Variants in ZAN observed in about 807,000 individuals in gnomAD.
ZAN encodes the protein zonadhesin, also known as zonadhesin (gene/pseudogene).
Under a neutral mutation model 286.2 loss-of-function variants are expected in ZAN, and 260 were observed. The observed-to-expected ratio is 0.91, with a 90% CI of 0.82 to 1.01. The LOEUF (loss-of-function observed/expected upper bound fraction) is 1.01, where lower values mean the gene tolerates loss of function less well. Among genes scored for constraint, ZAN ranks in the 50% least tolerant of loss-of-function variants. The probability of loss-of-function intolerance (pLI) is 0.00; values close to 1 mark genes in which losing one functional copy is unlikely to be tolerated. For missense variants in ZAN, 3,410 were observed against 3,639.2 expected, an observed-to-expected ratio of 0.94 and a Z score of 1.62; for synonymous variants, 1,368 against 1,417.5, an observed-to-expected ratio of 0.97 and a Z score of 0.79.
Position 100,738,582 on chromosome 7 carries a change from G to A in ZAN, c.735G>A (p.Val245=). 3 of 1,517,798 alleles carry A rather than the reference G, an allele frequency of 2.0e-6. No individual in the cohort carries two copies. The highest frequency in any genetic ancestry group is 1.1e-5 in the South Asian group (1 of 88,082). 94.0% of individuals were successfully genotyped at this position (1,517,798 alleles called of 1,614,324 possible). A position where few individuals can be genotyped will look rare whatever the true frequency, so the allele number is the denominator to read the frequency against. ...QKKGSSGKPG[V]GPDGDFSSPG... ...AAGGGTCATCAGGAAAGCCAGGCGT[G>A]GGGCCTGATGGCGACTTCTCTAGCC... The change falls in exon 7 of 48, where the codon GTG becomes GTA. Residue 245 remains valine (V), a synonymous_variant. Transcript: ENST00000613979.
intron 42 of ZAN, among the ~76,000 whole-genome samples, chr7:100,793,341 TA>T (rs926192384): frequency 3.6e-4 from 54 of 151,260 alleles, no homozygotes; most frequent in African/African-American, 1.2e-3. Context: ...ACTCCATCTC[TA>T]AAAAAAATTT....
intron 42 of ZAN, among the ~76,000 whole-genome samples, chr7:100,792,699 G>T (rs1034256475): frequency 6.6e-6 from 1 of 152,000 alleles, no homozygotes; most frequent in African/African-American, 2.4e-5. Context: ...CAGCACAACC[G>T]GCAGCCTGGC....
In ZAN at chr7:100,794,206, C is replaced by T; in HGVS notation, c.8073C>T (p.Cys2691=). The T allele has an allele frequency of 6.2e-7, 1 of 1,613,796 alleles. No individual in the cohort carries two copies. Among genetic ancestry groups the T allele is most frequent in the East Asian group, 2.2e-5 (1 of 44,888 alleles). The change falls in exon 44 of 48, where the codon TGC becomes TGT. Residue 2691 remains cysteine, a synonymous_variant. Transcript: ENST00000613979. ...SRILLCEPFS[C]RAGEVCTLGN... is the part of the protein sequence containing the mutation. ...TCCTGCTGTGTGAGCCCTTCAGCTG[C>T]AGAGCGGGGGAGGTCTGCACCCTGG...
intron 22 of ZAN, among the ~76,000 whole-genome samples, 154 bp from the exon 23 acceptor site, chr7:100,765,198 C>T (rs1030741855): frequency 6.6e-6 from 1 of 152,160 alleles, no homozygotes; most frequent in Non-Finnish European, 1.5e-5. Context: ...GGGAGCCAGC[C>T]AGGCTCCTTG....
intron 40 of ZAN, among the ~76,000 whole-genome samples, chr7:100,791,366 TTCC>T (rs963221477): frequency 7.2e-5 from 11 of 151,908 alleles, no homozygotes; most frequent in Non-Finnish European, 1.2e-4. Context: ...TCTTCCTTCT[TTCC>T]TCCTCCTCCT....
chr7:100,738,892 TCTCC>T (rs1807520137), intron 7 of ZAN, among the ~76,000 whole-genome samples: 1 of 2,668 alleles, frequency 3.7e-4, no homozygotes, highest in Non-Finnish European at 1.0e-3. Context: ...TCCCTCTCCC[TCTCC>T]CTCTCCCTCT....
chr7:100,784,077 G>A (rs888019587), intron 35 of ZAN, among the ~76,000 whole-genome samples: 14 of 149,102 alleles, frequency 9.4e-5, no homozygotes, highest in Middle Eastern at 3.3e-3. Context: ...TCCTGCTGCC[G>A]TTGCTGTTTG....
intron 17 of ZAN, among the ~76,000 whole-genome samples, chr7:100,759,446 A>G (rs1809382489): frequency 6.6e-6 from 1 of 152,174 alleles, no homozygotes; most frequent in Admixed American, 6.6e-5. Flanking sequence ...GTTAAAAACA[A>G]AAAAGCAAAG....
At chr7:100,770,995 C>T (rs1810334534) in intron 28 of ZAN, among the ~76,000 whole-genome samples, 1 of 152,118 alleles carries the variant, frequency 6.6e-6, no homozygotes, top group Non-Finnish European at 1.5e-5. Flanking sequence ...GTAGAGACAA[C>T]ATTTCACCAT....
At chr7:100,784,954 G>C (rs1811465303) in intron 36 of ZAN, 120 bp downstream of exon 36, 1 of 1,187,810 alleles carries the variant, frequency 8.4e-7, no homozygotes, top group African/African-American at 1.5e-5. Flanking sequence ...GGGGTGTGAA[G>C]GCTGGTGTGA....
rs185660815 is a variant in ZAN at position 100,793,930 on chromosome 7, T to C, written c.7898T>C (p.Leu2633Pro). 302 of 1,613,940 alleles carry C rather than the reference T, an allele frequency of 1.9e-4. 1 individual carries two copies. In the African/African-American group the frequency reaches 3.1e-3, roughly 16 times the overall value. The change falls in exon 43 of 48, where the codon CTG becomes CCG. Residue 2633 changes from leucine (L) to proline (P), a missense_variant. This residue lies in a region of ZAN where 1,289 missense variants were observed against 1,314.3 expected (regional missense o/e 0.98). Coordinates refer to ENST00000613979, the MANE Select transcript of ZAN (RefSeq NM_003386.3). The stretch of plus-strand genomic sequence containing the variant: ...CTGCGAGGGCCCCTGCGTGGAAGGC[T>C]GCGCCAGCATCCCAGGCTATGCCTA... ...RGLRGPLRGRLRQHPRLCLQW... is the reference protein window; with the variant it reads ...RGLRGPLRGRPRQHPRLCLQW...
At chr7:100,745,568 T>C (rs1187890270) in intron 7 of ZAN, among the ~76,000 whole-genome samples, 3 of 148,942 alleles carry the variant, frequency 2.0e-5, no homozygotes, top group African/African-American at 7.5e-5. Flanking sequence ...TTTGCGTGAA[T>C]AGGTTATGTC....
Position 100,776,559 on chromosome 7 carries a change from C to T in ZAN, c.6312C>T (p.Asp2104=). ...FVNSWKDKDI[D]PSCQSLLVDE... Reference sequence around the variant, plus strand: ...ACAGTTGGAAAGATAAGGACATTGACCCAAGGTAGTGGTCCCCTAAGACCC... The same window carrying T: ...ACAGTTGGAAAGATAAGGACATTGATCCAAGGTAGTGGTCCCCTAAGACCC... Residue 2104 remains aspartate, a synonymous_variant, in exon 34 of 48, where the codon GAC becomes GAT. Transcript: ENST00000613979. The T allele has an allele frequency of 6.4e-7, 1 of 1,553,810 alleles. No homozygotes were observed. Among genetic ancestry groups the T allele is most frequent in the South Asian group, 1.2e-5 (1 of 84,142 alleles).
At chr7:100,764,477 A>G (rs904358141) in intron 22 of ZAN, among the ~76,000 whole-genome samples, 3 of 149,802 alleles carry the variant, frequency 2.0e-5, no homozygotes, top group Admixed American at 1.3e-4. Context: ...CCTGGGCGAC[A>G]GAGTGAGACT....
intron 14 of ZAN, among the ~76,000 whole-genome samples, chr7:100,754,592 C>T (rs542317420): frequency 3.3e-5 from 5 of 151,290 alleles, no homozygotes; most frequent in Admixed American, 2.0e-4. Flanking sequence ...CAACCTCTGC[C>T]TCTGGGGCTC....
chr7:100,776,333 G>A (rs1360647157), intron 33 of ZAN, 107 bp from the exon 34 acceptor site: 2 of 1,365,576 alleles, frequency 1.5e-6, no homozygotes, highest in Non-Finnish European at 1.9e-6. Flanking sequence ...AGGGAGGGAG[G>A]GAGGGAGGGA....
chr7:100,762,262 A>T lies in ZAN; in HGVS notation c.3890A>T (p.Asn1297Ile), dbSNP rs575370818. 35 of 1,613,682 alleles carry T rather than the reference A, an allele frequency of 2.2e-5. 1 individual carries two copies. In the South Asian group the frequency reaches 3.6e-4, roughly 17 times the overall value. The change falls in exon 20 of 48, where the codon AAC becomes ATC. Residue 1297 changes from asparagine to isoleucine, a missense_variant. By Grantham distance (149) the Asn-to-Ile change is moderately radical. Transcript: ENST00000613979. ...GGTTTGTGTGGGAACTATGACGGCA[A>T]CAGTGACAATGACCACCTGAAGTTG... ...LCGLCGNYDGNSDNDHLKLDG... is the reference protein window; with the variant it reads ...LCGLCGNYDGISDNDHLKLDG...
At chr7:100,762,914 G>A (rs1385518709) in intron 20 of ZAN, among the ~76,000 whole-genome samples, 1 of 151,074 alleles carries the variant, frequency 6.6e-6, no homozygotes, top group South Asian at 2.1e-4. Context: ...AAATTTTTTG[G>A]TAGACATGGG....
chr7:100,767,819 C>A lies in ZAN; in HGVS notation c.4861-12C>A. On this transcript the variant is annotated splice_polypyrimidine_tract_variant and intron_variant, in intron 25 of 47. Transcript: ENST00000613979. ...CCTGACTCTCCTTTCTACGTCCTCC[C>A]TGCCTCTGCAGCTGAATGGCCATCG... The A allele has an allele frequency of 6.2e-7, 1 of 1,609,852 alleles. No individual in the cohort carries two copies. Among genetic ancestry groups the A allele is most frequent in the South Asian group, 1.1e-5 (1 of 90,544 alleles).
Sources: gnomAD v4.1 joint callset for allele counts (sites outside exome capture counted in the v4.1 genomes callset) on GRCh38, gnomAD v4.1.1 for gene constraint, gnomAD v4.1.1 regional missense constraint, MANE v1.5 for transcripts, NCBI Gene and HGNC (gene_info 2026-07-23, HGNC 2026-07-21) for gene names.